Variants in SNX24 observed in about 807,000 individuals in gnomAD.
SNX24 encodes sorting nexin 24.
Under a neutral mutation model 28.7 loss-of-function variants are expected in SNX24, and 22 were observed. The ratio of observed to expected loss-of-function variants is 0.77; its 90% CI spans 0.55 to 1.10. The LOEUF (loss-of-function observed/expected upper bound fraction) is 1.10, where lower values mean the gene tolerates loss of function less well. Among genes scored for constraint, SNX24 ranks in the 50% least tolerant of loss-of-function variants. SNX24 has a pLI of 0.00. For missense variants in SNX24, 221 were observed against 201.1 expected (o/e 1.10, Z -0.60); for synonymous variants, 69 against 71.5 (o/e 0.96, Z 0.18).
chr5:123,028,106 G>A (rs1236708113), intron 5 of SNX24, among the ~76,000 whole-genome samples: 1 of 152,202 alleles, frequency 6.6e-6, no homozygotes, highest in Non-Finnish European at 1.5e-5. Context: ...CTTGGGTCCT[G>A]ACGAAACCAC....
At chr5:122,970,917 C>T (rs1760932342) in intron 3 of SNX24, among the ~76,000 whole-genome samples, 2 of 152,160 alleles carry the variant, frequency 1.3e-5, no homozygotes, top group South Asian at 2.1e-4. Flanking sequence ...TCCAGTACAC[C>T]CTTGTGTTAG....
intron 4 of SNX24, among the ~76,000 whole-genome samples, chr5:123,000,436 T>G (rs954249812): frequency 7.9e-5 from 12 of 152,338 alleles, no homozygotes; most frequent in African/African-American, 2.9e-4. Context: ...ATTTTGTAGT[T>G]GAGCAAACAG....
chr5:122,849,024 A>T (rs899701311), intron 1 of SNX24, among the ~76,000 whole-genome samples: 1 of 152,168 alleles, frequency 6.6e-6, no homozygotes, highest in Non-Finnish European at 1.5e-5. Context: ...CCACGGTAGG[A>T]TGTGCCGTAA....
At position 123,000,012 on chromosome 5, in the gene SNX24, A is replaced by C. The variant is rs1056574857; in HGVS notation, c.344+6A>C. The C allele has an allele frequency of 6.4e-7, 1 of 1,560,812 alleles. No homozygotes were observed. Among genetic ancestry groups the C allele is most frequent in the African/African-American group, 1.4e-5 (1 of 73,956 alleles). ...CCAAAGGCAGAAAGTTGTGGGTAAG[A>C]ATCATGTTTGCATATTGGATGTGTA... On this transcript the variant is annotated splice_donor_region_variant and intron_variant, in intron 4 of 6. Coordinates refer to ENST00000261369, the MANE Select transcript of SNX24 (RefSeq NM_014035.4).
At chr5:122,885,229 T>A (rs1160053503) in intron 1 of SNX24, among the ~76,000 whole-genome samples, 1 of 152,108 alleles carries the variant, frequency 6.6e-6, no homozygotes, top group Non-Finnish European at 1.5e-5. Context: ...TTCTTGGATG[T>A]TGCTTCCTTC....
intron 1 of SNX24, among the ~76,000 whole-genome samples, chr5:122,852,594 C>T (rs757454705): frequency 2.6e-5 from 4 of 152,152 alleles, no homozygotes; most frequent in Non-Finnish European, 5.9e-5. Flanking sequence ...CCACCCACCT[C>T]AGCCTCTGAA....
At chr5:122,865,424 G>A (rs1263325307) in intron 1 of SNX24, among the ~76,000 whole-genome samples, 1 of 152,142 alleles carries the variant, frequency 6.6e-6, no homozygotes, top group Non-Finnish European at 1.5e-5. Context: ...TCTGCCTCCC[G>A]GGTTCAAGTG....
chr5:123,028,761 T>C (rs1762899282), intron 5 of SNX24: 2 of 1,596,940 alleles, frequency 1.3e-6, no homozygotes, highest in African/African-American at 2.7e-5. Flanking sequence ...AAAGGAAAAA[T>C]GCAAAGACGT....
intron 2 of SNX24, among the ~76,000 whole-genome samples, chr5:122,937,853 A>G (rs1160508658): frequency 6.6e-6 from 1 of 152,208 alleles, no homozygotes; most frequent in Non-Finnish European, 1.5e-5. Context: ...AAGAGAAACA[A>G]ACCTGGAGTC....
At chr5:123,001,112 G>A (rs1348011202) in intron 4 of SNX24, among the ~76,000 whole-genome samples, 1 of 152,172 alleles carries the variant, frequency 6.6e-6, no homozygotes, top group African/African-American at 2.4e-5. Flanking sequence ...TTTTAGAATA[G>A]ACATTAGCAA....
intron 1 of SNX24, among the ~76,000 whole-genome samples, chr5:122,889,653 ATATATATGTG>A (rs1561551865): frequency 6.8e-6 from 1 of 147,404 alleles, no homozygotes; most frequent in Non-Finnish European, 1.5e-5. Context: ...ATACATATGT[ATATATATGTG>A]TATATATATA....
chr5:123,017,977 C>T (rs1351980962), intron 5 of SNX24, among the ~76,000 whole-genome samples: 2 of 152,024 alleles, frequency 1.3e-5, no homozygotes, highest in African/African-American at 4.8e-5. Flanking sequence ...GTGTGAAATA[C>T]TCTGTCTGGG....
intron 1 of SNX24, 79 bp from the exon 2 acceptor site, chr5:122,936,655 A>T: frequency 2.4e-6 from 2 of 831,668 alleles, no homozygotes; most frequent in South Asian, 3.6e-5. Context: ...GATGAAATAT[A>T]TCATGGTCAC....
Position 122,908,487 on chromosome 5 carries a change from T to C in SNX24, c.61-28247T>C, listed in dbSNP as rs558113615. On this transcript the variant is annotated intron_variant, in intron 1 of 6. Coordinates refer to ENST00000261369, the MANE Select transcript of SNX24 (RefSeq NM_014035.4). ...TTATCCTGTTATGTGTAAAATACAG[T>C]GCAGATGTTTTAAAATAACTTAAGG... Among the ~76,000 whole-genome samples the C allele has an allele frequency of 2.0e-5, 3 of 152,318 alleles. No individual in the cohort carries two copies. In the South Asian group the frequency reaches 6.2e-4, roughly 32 times the overall value.
intron 1 of SNX24, among the ~76,000 whole-genome samples, chr5:122,927,328 T>G (rs936309242): frequency 2.0e-5 from 3 of 152,186 alleles, no homozygotes; most frequent in African/African-American, 7.2e-5. Context: ...GCAAATCTTA[T>G]GGGTTAAATT....
intron 2 of SNX24, among the ~76,000 whole-genome samples, 189 bp from the exon 3 acceptor site, chr5:122,945,866 C>T (rs530469485): frequency 2.0e-5 from 3 of 152,180 alleles, no homozygotes; most frequent in East Asian, 3.9e-4. Context: ...GAAAACTGAA[C>T]AGTCAAGATA....
chr5:123,006,439 C>T (rs570160101), intron 6 of SNX24, among the ~76,000 whole-genome samples: 1 of 152,318 alleles, frequency 6.6e-6, no homozygotes, highest in Non-Finnish European at 1.5e-5. Context: ...TGGGCTGCCA[C>T]CATTGCCCTC....
chr5:122,966,990 T>G (rs969862421), intron 3 of SNX24, among the ~76,000 whole-genome samples: 1 of 152,114 alleles, frequency 6.6e-6, no homozygotes, highest in Non-Finnish European at 1.5e-5. Flanking sequence ...GTCATGAAAA[T>G]TAAATTTGAA....
At chr5:122,909,560 A>T (rs879912375) in intron 1 of SNX24, among the ~76,000 whole-genome samples, 2 of 152,060 alleles carry the variant, frequency 1.3e-5, no homozygotes, top group Non-Finnish European at 2.9e-5. Flanking sequence ...GCATGTGTAT[A>T]CCCGTGAGGA....
Sources: gnomAD v4.1 joint callset for allele counts (sites outside exome capture counted in the v4.1 genomes callset) on GRCh38, gnomAD v4.1.1 for gene constraint, MANE v1.5 for transcripts, NCBI Gene and HGNC (gene_info 2026-07-23, HGNC 2026-07-21) for gene names.